The following MAST2 variants were observed in gnomAD, a reference collection of about 807,000 sequenced individuals.
The protein encoded by MAST2 is microtubule-associated serine/threonine-protein kinase 2.
Under a neutral mutation model 147.4 loss-of-function variants are expected in MAST2, and 70 were observed. That is an observed-to-expected ratio of 0.47 (90% confidence interval 0.39 to 0.58). The LOEUF is 0.58. MAST2 is among the 20% of genes least tolerant of loss of function. MAST2 has a pLI of 0.00. For missense variants in MAST2, 2,080 were observed against 2,302.3 expected (o/e 0.90, Z 1.98); for synonymous variants, 869 against 896.8 (o/e 0.97, Z 0.55).
intron 5 of MAST2, among the ~76,000 whole-genome samples, chr1:45,972,908 A>G (rs1643975435): frequency 6.6e-6 from 1 of 152,186 alleles, no homozygotes; most frequent in African/African-American, 2.4e-5. Flanking sequence ...AGACTACTCA[A>G]GTGTTAACCC....
At chr1:45,932,603 G>A (rs1655487690) in intron 4 of MAST2, among the ~76,000 whole-genome samples, 1 of 152,088 alleles carries the variant, frequency 6.6e-6, no homozygotes, top group African/African-American at 2.4e-5. Flanking sequence ...AACCCAGGAG[G>A]CGGAGGTTGT....
chr1:45,998,955 A>G (rs1366047819), intron 6 of MAST2, among the ~76,000 whole-genome samples: 1 of 152,058 alleles, frequency 6.6e-6, no homozygotes, highest in African/African-American at 2.4e-5. Context: ...GATGGTCTTG[A>G]TCTCCTGACC....
chr1:45,956,754 G>A (rs1659716402), intron 4 of MAST2, among the ~76,000 whole-genome samples: 1 of 152,182 alleles, frequency 6.6e-6, no homozygotes, highest in South Asian at 2.1e-4. Context: ...TGGTATGGTG[G>A]ATACACCCAT....
At chr1:45,897,491 T>G (rs1648930581) in intron 4 of MAST2, among the ~76,000 whole-genome samples, 1 of 152,114 alleles carries the variant, frequency 6.6e-6, no homozygotes, top group African/African-American at 2.4e-5. Context: ...AAAATAAATT[T>G]TTTAAAGGTG....
intron 4 of MAST2, among the ~76,000 whole-genome samples, chr1:45,956,009 A>G (rs930842697): frequency 2.6e-5 from 4 of 152,198 alleles, no homozygotes; most frequent in African/African-American, 4.8e-5. Context: ...ATGACTATCT[A>G]TAATCCATTC....
chr1:45,848,075 T>G (rs1645500214), intron 3 of MAST2, among the ~76,000 whole-genome samples: 1 of 152,240 alleles, frequency 6.6e-6, no homozygotes, highest in South Asian at 2.1e-4. Flanking sequence ...ATTCTTCATT[T>G]TTGCAATATG....
intron 4 of MAST2, among the ~76,000 whole-genome samples, chr1:45,897,237 G>A (rs192168956): frequency 1.8e-4 from 28 of 152,248 alleles, no homozygotes; most frequent in Non-Finnish European, 7.4e-5. Context: ...TTCAGATAGG[G>A]TAAAGTTATA....
intron 4 of MAST2, among the ~76,000 whole-genome samples, chr1:45,886,600 A>C (rs1647102063): frequency 6.6e-6 from 1 of 152,214 alleles, no homozygotes; most frequent in Non-Finnish European, 1.5e-5. Context: ...GTAGTTTAGA[A>C]TATCAGACCT....
chr1:45,810,810 C>CA (rs909997197), intron 1 of MAST2, among the ~76,000 whole-genome samples: 793 of 34,848 alleles, frequency 0.023, 13 homozygotes, highest in South Asian at 0.039. Flanking sequence ...GACTCCATCT[C>CA]AAAAAAAAAA....
rs750628967 is a variant in MAST2 at position 45,959,472 on chromosome 1, A to G, written c.587A>G (p.His196Arg). The part of the protein sequence containing the change: ...LPRPHSPLHG[H>R]TGNSPLDSPR... ...CGGCCACACTCACCACTCCATGGCC[A>G]CACAGGTGAGTGCTTGAAGGTTAAG... The change falls in exon 5 of 29, where the codon CAC becomes CGC. Residue 196 changes from histidine (H) to arginine (R), a missense_variant. By Grantham distance (29) the His-to-Arg change is conservative. Coordinates refer to ENST00000361297, the MANE Select transcript of MAST2 (RefSeq NM_015112.3). The G allele has an allele frequency of 6.2e-7, 1 of 1,613,248 alleles. No individual in the cohort carries two copies. The highest frequency in any genetic ancestry group is 8.5e-7 in the Non-Finnish European group (1 of 1,179,462).
rs1327127501 is a variant in MAST2 at position 46,023,593 on chromosome 1, A to G, written c.1572-179A>G. 3 of 640,970 alleles carry G rather than the reference A, an allele frequency of 4.7e-6. No individual in the cohort carries two copies. Among genetic ancestry groups the G allele is most frequent in the Non-Finnish European group, 8.2e-6 (3 of 367,528 alleles). The allele number at this position is 640,970 out of a possible 1,614,324, so 39.7% of individuals were successfully genotyped here. On this transcript the variant is annotated intron_variant, in intron 14 of 28. Coordinates refer to ENST00000361297, the MANE Select transcript of MAST2 (RefSeq NM_015112.3). This position sits in a 1 kb window ranked among gnomAD's most constrained non-coding sequence, Gnocchi z 4.9. Reference sequence around the variant, plus strand: ...GAGCCGTGTCATCAGGACATGGTCTATCAAGAAGTTTAAGAGTTCTATGGA... The same window carrying G: ...GAGCCGTGTCATCAGGACATGGTCTGTCAAGAAGTTTAAGAGTTCTATGGA...
chr1:45,967,733 A>G (rs1199689163), intron 5 of MAST2, among the ~76,000 whole-genome samples: 1 of 152,150 alleles, frequency 6.6e-6, no homozygotes, highest in Non-Finnish European at 1.5e-5. Flanking sequence ...TTTTACTGAA[A>G]AAATTTGTGT....
rs1645343528 is a variant in MAST2, at chr1:45,843,662, G to A, written c.468+14081G>A. ...ACATGTGAAAGGATAGATAATGTTA[G>A]ACAGTGAAGTATTCAACTTAGATAA... On this transcript the variant is annotated intron_variant, in intron 3 of 28. Transcript: ENST00000361297. 3.3e-5 allele frequency among the ~76,000 whole-genome samples: 5 copies of A among 152,206 alleles called. No individual in the cohort carries two copies. The South Asian group carries it at 1.0e-3, about 31-fold the overall frequency.
At chr1:45,863,376 C>A (rs1646041295) in intron 3 of MAST2, among the ~76,000 whole-genome samples, 1 of 152,138 alleles carries the variant, frequency 6.6e-6, no homozygotes, top group Non-Finnish European at 1.5e-5. Flanking sequence ...TGTTTGTTTT[C>A]CCCATAGACA....
chr1:45,965,558 T>G (rs1249186366), intron 5 of MAST2, among the ~76,000 whole-genome samples: 2 of 152,162 alleles, frequency 1.3e-5, no homozygotes, highest in Non-Finnish European at 2.9e-5. Context: ...CCTGCCTTTC[T>G]TTGTTTTCCA....
At chr1:45,996,663 C>G (rs1375889028) in intron 5 of MAST2, among the ~76,000 whole-genome samples, 2 of 152,078 alleles carry the variant, frequency 1.3e-5, no homozygotes, top group Non-Finnish European at 2.9e-5. Flanking sequence ...ATAATTGATA[C>G]AGAGGTGCTG....
chr1:46,035,836 CA>C lies in MAST2; in HGVS notation c.5168del (p.Gln1723ArgfsTer13), dbSNP rs1448896050. 6.2e-7 allele frequency: 1 copy of C among 1,613,996 alleles called. No homozygotes were observed. Among genetic ancestry groups the C allele is most frequent in the Admixed American group, 1.7e-5 (1 of 60,004 alleles). On this transcript the variant is annotated frameshift_variant, in exon 29 of 29. Coordinates refer to ENST00000361297, the MANE Select transcript of MAST2 (RefSeq NM_015112.3). LOFTEE classifies it high-confidence loss of function. This position sits in a 1 kb window ranked among gnomAD's most constrained non-coding sequence, Gnocchi z 5.5. ...CCATCCATCTTATGAGGATCCCAGC[CA>C]GGGCTGGCTATGGGAGTCTGAGTGT... is the stretch of plus-strand genomic sequence containing the variant. ...LAHPSYEDPS[Q>X]GWLWESECAQ...
At chr1:45,931,829 C>G (rs191978011) in intron 4 of MAST2, among the ~76,000 whole-genome samples, 11 of 152,196 alleles carry the variant, frequency 7.2e-5, no homozygotes, top group Non-Finnish European at 5.9e-5. Context: ...GCTGGAAATA[C>G]AGGCATACAC....
chr1:45,990,565 C>G (rs1644818737), intron 5 of MAST2, among the ~76,000 whole-genome samples: 1 of 152,084 alleles, frequency 6.6e-6, no homozygotes, highest in South Asian at 2.1e-4. Flanking sequence ...GCAGTCACAG[C>G]CCACTACAGC....
Sources: allele counts gnomAD v4.1 joint callset (sites outside exome capture counted in the v4.1 genomes callset), GRCh38; gene constraint gnomAD v4.1.1; non-coding constraint Gnocchi (gnomAD v3.1); transcripts MANE v1.5; gene names NCBI Gene and HGNC (gene_info 2026-07-23, HGNC 2026-07-21).